The following ST8SIA4 variants were observed in gnomAD, a reference collection of about 807,000 sequenced individuals.
The protein encoded by ST8SIA4 is ST8 alpha-N-acetyl-neuraminide alpha-2,8-sialyltransferase 4, also known as CMP-N-acetylneuraminate-poly-alpha-2,8-sialyltransferase.
In ST8SIA4, 15 loss-of-function variants were observed where a neutral mutation model predicts 33.9. The observed-to-expected ratio is 0.44, with a 90% CI of 0.30 to 0.68. The LOEUF (loss-of-function observed/expected upper bound fraction) is 0.68. ST8SIA4 is among the 30% of genes least tolerant of loss of function. ST8SIA4 has a pLI of 0.10. For missense variants in ST8SIA4, 321 were observed against 428.0 expected, an observed-to-expected ratio of 0.75 and a Z score of 2.21; for synonymous variants, 171 against 151.2, an observed-to-expected ratio of 1.13 and a Z score of -0.96.
intron 4 of ST8SIA4, among the ~76,000 whole-genome samples, chr5:100,833,031 C>T (rs559284663): frequency 7.9e-5 from 12 of 152,224 alleles, no homozygotes; most frequent in East Asian, 1.9e-4. Flanking sequence ...TAATATACAT[C>T]GTGCTATGCA....
At chr5:100,861,566 C>T (rs928604477) in intron 3 of ST8SIA4, among the ~76,000 whole-genome samples, 3 of 152,004 alleles carry the variant, frequency 2.0e-5, no homozygotes, top group South Asian at 2.1e-4. Context: ...AAAGGGGAAG[C>T]GTGCCAAGGA....
intron 2 of ST8SIA4, among the ~76,000 whole-genome samples, chr5:100,892,249 C>G (rs1366612545): frequency 1.3e-5 from 2 of 152,090 alleles, no homozygotes; most frequent in African/African-American, 2.4e-5. Context: ...ACTACATAAT[C>G]TCCCGTACGA....
At chr5:100,837,917 T>C (rs897910819) in intron 4 of ST8SIA4, among the ~76,000 whole-genome samples, 1 of 152,100 alleles carries the variant, frequency 6.6e-6, no homozygotes, top group Admixed American at 6.6e-5. Flanking sequence ...TTAATGTCAT[T>C]ATTTTTAAAT....
At chr5:100,859,354 G>A (rs1169455507) in intron 3 of ST8SIA4, among the ~76,000 whole-genome samples, 1 of 152,108 alleles carries the variant, frequency 6.6e-6, no homozygotes, top group Non-Finnish European at 1.5e-5. Flanking sequence ...GGAGTAGCCA[G>A]TTTTAAAATG....
chr5:100,891,763 C>T (rs1752671913), intron 2 of ST8SIA4, among the ~76,000 whole-genome samples: 1 of 151,756 alleles, frequency 6.6e-6, no homozygotes, highest in African/African-American at 2.4e-5. Context: ...ATATTCTTAA[C>T]AAAATTATTT....
intron 4 of ST8SIA4, among the ~76,000 whole-genome samples, chr5:100,822,903 G>A (rs1466359752): frequency 6.6e-6 from 1 of 152,112 alleles, no homozygotes; most frequent in Non-Finnish European, 1.5e-5. Context: ...AGACCGAGGC[G>A]GGCGGATCAC....
intron 4 of ST8SIA4, among the ~76,000 whole-genome samples, chr5:100,847,070 T>A (rs1751586334): frequency 6.6e-6 from 1 of 152,076 alleles, no homozygotes; most frequent in Admixed American, 6.6e-5. Context: ...TGGTTTAAAA[T>A]ACCTAATACG....
At chr5:100,853,261 A>G (rs1178570265) in intron 4 of ST8SIA4, among the ~76,000 whole-genome samples, 1 of 152,226 alleles carries the variant, frequency 6.6e-6, no homozygotes, top group African/African-American at 2.4e-5. Flanking sequence ...TCAAAACGCT[A>G]TCTTACATAC....
At chr5:100,825,022 C>T (rs1466066753) in intron 4 of ST8SIA4, among the ~76,000 whole-genome samples, 1 of 152,038 alleles carries the variant, frequency 6.6e-6, no homozygotes, top group African/African-American at 2.4e-5. Context: ...TATCATGCCA[C>T]TGCACTCCAG....
intron 3 of ST8SIA4, among the ~76,000 whole-genome samples, chr5:100,872,031 AG>A (rs1752207492): frequency 6.6e-6 from 1 of 152,058 alleles, no homozygotes; most frequent in Non-Finnish European, 1.5e-5. Flanking sequence ...TTTGAAATTC[AG>A]TGTTTTAAAA....
chr5:100,837,988 CAT>C, intron 4 of ST8SIA4, among the ~76,000 whole-genome samples: 1 of 151,992 alleles, frequency 6.6e-6, no homozygotes, highest in East Asian at 1.9e-4. Flanking sequence ...AATCAATTAC[CAT>C]ATATGTTTAT....
intron 3 of ST8SIA4, among the ~76,000 whole-genome samples, chr5:100,882,967 A>C (rs968826004): frequency 6.6e-6 from 1 of 152,148 alleles, no homozygotes; most frequent in Non-Finnish European, 1.5e-5. Context: ...TGTGGAAGGG[A>C]AATGTGAGGT....
At chr5:100,890,566 G>A (rs1488976777) in intron 2 of ST8SIA4, 1 of 151,846 alleles carries the variant, frequency 6.6e-6, no homozygotes, top group African/African-American at 2.4e-5. Flanking sequence ...TAATATGCAT[G>A]CTTTACCAGT....
chr5:100,868,016 C>G (rs1297381414), intron 3 of ST8SIA4, among the ~76,000 whole-genome samples: 18 of 151,934 alleles, frequency 1.2e-4, no homozygotes, highest in Non-Finnish European at 2.7e-4. Flanking sequence ...TGCCTGATCC[C>G]CATAATGTTC....
chr5:100,845,047 T>A (rs906021575), intron 4 of ST8SIA4, among the ~76,000 whole-genome samples: 2 of 152,078 alleles, frequency 1.3e-5, no homozygotes, highest in Non-Finnish European at 2.9e-5. Context: ...AACTTACTTC[T>A]TGTATGTTGA....
chr5:100,884,362 T>A lies in ST8SIA4; in HGVS notation c.503+1981A>T, dbSNP rs967826778. On this transcript the variant is annotated intron_variant, in intron 3 of 4. Coordinates refer to ENST00000231461, the MANE Select transcript of ST8SIA4 (RefSeq NM_005668.6). ...AAGGCAATACCATCAAGTGGCCAGTTGCTGCTTGGCCAGTGAAAGAGAAAA... is the reference window on the plus strand; with the variant it reads ...AAGGCAATACCATCAAGTGGCCAGTAGCTGCTTGGCCAGTGAAAGAGAAAA... 4.6e-5 allele frequency among the ~76,000 whole-genome samples: 7 copies of A among 152,332 alleles called. 1 individual carries two copies. Among genetic ancestry groups the A allele is most frequent in the Admixed American group, 1.3e-4 (2 of 15,304 alleles).
At chr5:100,882,649 A>T (rs1296551373) in intron 3 of ST8SIA4, among the ~76,000 whole-genome samples, 1 of 152,178 alleles carries the variant, frequency 6.6e-6, no homozygotes, top group Non-Finnish European at 1.5e-5. Context: ...GAGACCTAGG[A>T]GAAAATGGTT....
At chr5:100,850,581 A>AT (rs1455640183) in intron 4 of ST8SIA4, among the ~76,000 whole-genome samples, 3 of 152,016 alleles carry the variant, frequency 2.0e-5, no homozygotes, top group Non-Finnish European at 4.4e-5. Flanking sequence ...ATATTTTAAC[A>AT]TTTTTTCCCA....
chr5:100,827,568 CT>C (rs776563302), intron 4 of ST8SIA4, among the ~76,000 whole-genome samples: 2 of 152,218 alleles, frequency 1.3e-5, no homozygotes, highest in Non-Finnish European at 2.9e-5. Context: ...ATGCTTTTCT[CT>C]GGAGACTTAT....
Sources: gnomAD v4.1 joint callset for allele counts (sites outside exome capture counted in the v4.1 genomes callset) on GRCh38, gnomAD v4.1.1 for gene constraint, MANE v1.5 for transcripts, NCBI Gene and HGNC (gene_info 2026-07-23, HGNC 2026-07-21) for gene names.